NCOA1: variants seen among roughly 807,000 people sequenced by gnomAD.
NCOA1 encodes Hin-2 protein.
Under a neutral mutation model 150.9 loss-of-function variants are expected in NCOA1, and 35 were observed. That is an observed-to-expected ratio of 0.23 (90% CI 0.18 to 0.31). NCOA1 has a LOEUF of 0.31. NCOA1 is among the 10% of genes least tolerant of loss of function. The pLI, the probability that NCOA1 is intolerant of heterozygous loss-of-function variation, is 1.00. For missense variants in NCOA1, 1,491 were observed against 1,749.3 expected, an observed-to-expected ratio of 0.85 and a Z score of 2.63; for synonymous variants, 590 against 630.0, an observed-to-expected ratio of 0.94 and a Z score of 0.95.
At chr2:24,584,032 A>G (rs953993646) in intron 2 of NCOA1, among the ~76,000 whole-genome samples, 2 of 152,134 alleles carry the variant, frequency 1.3e-5, no homozygotes, top group African/African-American at 2.4e-5. Context: ...TTAAATATCT[A>G]GAAGAGAGGA....
intron 7 of NCOA1, among the ~76,000 whole-genome samples, chr2:24,682,551 G>A (rs952474943): frequency 3.9e-5 from 6 of 152,120 alleles, no homozygotes; most frequent in Non-Finnish European, 8.8e-5. Flanking sequence ...GACTCGCCTT[G>A]TACCATATAC....
intron 4 of NCOA1, among the ~76,000 whole-genome samples, chr2:24,658,419 G>T (rs565324651): frequency 6.6e-6 from 1 of 152,246 alleles, no homozygotes; most frequent in East Asian, 1.9e-4. Context: ...CTAATTGGTT[G>T]TAACAATTTC....
chr2:24,507,975 A>G (rs1055229564), intron 1 of NCOA1, among the ~76,000 whole-genome samples: 4 of 152,210 alleles, frequency 2.6e-5, no homozygotes, highest in Non-Finnish European at 5.9e-5. Flanking sequence ...TAATTTCATT[A>G]TAGCATGTGC....
At chr2:24,597,202 C>T (rs1354047043) in intron 3 of NCOA1, among the ~76,000 whole-genome samples, 2 of 152,150 alleles carry the variant, frequency 1.3e-5, no homozygotes, top group Admixed American at 1.3e-4. Flanking sequence ...GTATCCTGAG[C>T]TCATAACCTA....
chr2:24,664,287 TA>T (rs1459466122), intron 5 of NCOA1, among the ~76,000 whole-genome samples: 2 of 152,256 alleles, frequency 1.3e-5, no homozygotes, highest in African/African-American at 4.8e-5. Context: ...GTCACAGTTT[TA>T]AAATTTGGTT....
chr2:24,568,359 A>G (rs1666597886), intron 2 of NCOA1, among the ~76,000 whole-genome samples: 1 of 152,196 alleles, frequency 6.6e-6, no homozygotes, highest in South Asian at 2.1e-4. Flanking sequence ...GGACTCAGTA[A>G]AACATTTGAA....
intron 3 of NCOA1, among the ~76,000 whole-genome samples, chr2:24,633,168 A>C (rs1669781568): frequency 1.3e-5 from 2 of 152,168 alleles, no homozygotes; most frequent in Admixed American, 1.3e-4. Flanking sequence ...ATATATATAC[A>C]AATACCCAGA....
chr2:24,699,971 C>G (rs1169775368), intron 11 of NCOA1, among the ~76,000 whole-genome samples: 1 of 151,986 alleles, frequency 6.6e-6, no homozygotes, highest in African/African-American at 2.4e-5. Context: ...TTGGAGAAAC[C>G]CCATCTCCAC....
At chr2:24,550,342 G>A (rs1242937491) in intron 1 of NCOA1, among the ~76,000 whole-genome samples, 1 of 152,268 alleles carries the variant, frequency 6.6e-6, no homozygotes, top group African/African-American at 2.4e-5. Flanking sequence ...CCAAGACAGG[G>A]CAATTTACAA....
chr2:24,695,467 C>A (rs187407176), intron 10 of NCOA1, among the ~76,000 whole-genome samples: 1 of 152,194 alleles, frequency 6.6e-6, no homozygotes, highest in East Asian at 1.9e-4. Context: ...AAGGGCATCA[C>A]TATACTGTAC....
Position 24,691,673 on chromosome 2 carries a change from G to A in NCOA1, c.712+13G>A, listed in dbSNP as rs200963004. The stretch of plus-strand genomic sequence containing the variant: ...GAGGATGGAGAAGGTAAAGCCAAAC[G>A]GTCTTTTTAAAGTGTTTATTTCTTC... On this transcript the variant is annotated intron_variant, in intron 9 of 22. Transcript: ENST00000348332. The A allele has an allele frequency of 7.5e-6, 12 of 1,609,184 alleles. No individual in the cohort carries two copies. Among genetic ancestry groups the A allele is most frequent in the East Asian group, 4.5e-5 (2 of 44,764 alleles).
At chr2:24,664,740 G>C (rs1182629767) in intron 5 of NCOA1, among the ~76,000 whole-genome samples, 1 of 151,958 alleles carries the variant, frequency 6.6e-6, no homozygotes, top group Non-Finnish European at 1.5e-5. Context: ...AAAGTAAATG[G>C]TATCTTAATT....
At position 24,597,150 on chromosome 2, in the gene NCOA1, G is replaced by A. The variant is rs190866473; in HGVS notation, c.-175+12590G>A. Among the ~76,000 whole-genome samples, 228 of 152,230 alleles carry A rather than the reference G, an allele frequency of 1.5e-3. 1 individual carries two copies. The highest frequency in any genetic ancestry group is 2.7e-3 in the Non-Finnish European group (185 of 67,996). Reference sequence around the variant, plus strand: ...TGGGAAGTGGGGTTCTATTGATATAGGAACCTCAATTATACATCCTTCCTC... The same window carrying A: ...TGGGAAGTGGGGTTCTATTGATATAAGAACCTCAATTATACATCCTTCCTC... On this transcript the variant is annotated intron_variant, in intron 3 of 22. Transcript: ENST00000348332.
chr2:24,767,938 G>A, intron 22 of NCOA1: 1 of 714,560 alleles, frequency 1.4e-6, no homozygotes, highest in Non-Finnish European at 2.3e-6. Context: ...CCCAATCTTG[G>A]CAACATTAGC....
chr2:24,695,014 A>G (rs975748010), intron 10 of NCOA1, among the ~76,000 whole-genome samples: 2 of 152,116 alleles, frequency 1.3e-5, no homozygotes, highest in African/African-American at 4.8e-5. Flanking sequence ...AAAAAATGTC[A>G]GAGATGGGGG....
intron 1 of NCOA1, among the ~76,000 whole-genome samples, chr2:24,508,365 AAAG>A (rs1663791791): frequency 6.6e-6 from 1 of 152,126 alleles, no homozygotes. Context: ...TAGGCAGAGT[AAAG>A]TCTATATATG....
intron 4 of NCOA1, among the ~76,000 whole-genome samples, chr2:24,646,639 C>T (rs1381370829): frequency 2.6e-5 from 4 of 151,356 alleles, no homozygotes; most frequent in Admixed American, 2.6e-4. Context: ...TCTGTTTCCA[C>T]CTATTTCCTT....
intron 3 of NCOA1, among the ~76,000 whole-genome samples, chr2:24,585,008 T>C (rs1488021374): frequency 6.6e-6 from 1 of 152,202 alleles, no homozygotes; most frequent in East Asian, 1.9e-4. Context: ...TTGAAGACTT[T>C]CCCAAATTTT....
At chr2:24,734,150 C>T (rs1468187286) in intron 17 of NCOA1, among the ~76,000 whole-genome samples, 1 of 148,074 alleles carries the variant, frequency 6.8e-6, no homozygotes, top group Non-Finnish European at 1.5e-5. Flanking sequence ...GCACTCCAGC[C>T]TTGGTGACAA....
Sources: allele counts gnomAD v4.1 joint callset (sites outside exome capture counted in the v4.1 genomes callset), GRCh38; gene constraint gnomAD v4.1.1; transcripts MANE v1.5; gene names NCBI Gene and HGNC (gene_info 2026-07-23, HGNC 2026-07-21).